Variants in CNTN6 observed in about 807,000 individuals in gnomAD.
The protein encoded by CNTN6 is contactin-6.
A neutral mutation model predicts 122.8 loss-of-function variants in CNTN6; 137 were observed. The observed-to-expected ratio is 1.12, with a 90% CI of 0.97 to 1.29. CNTN6 has a LOEUF of 1.29. Ranked by LOEUF, CNTN6 falls within the 50% of genes most tolerant of loss-of-function variation. CNTN6 has a pLI of 0.00. For synonymous variants in CNTN6, 570 were observed against 426.0 expected (o/e 1.34, Z -4.16); for missense variants, 1,634 against 1,223.4 (o/e 1.34, Z -5.01).
chr3:1,305,740 C>T (rs1559771072), intron 7 of CNTN6, among the ~76,000 whole-genome samples: 1 of 152,092 alleles, frequency 6.6e-6, no homozygotes, highest in East Asian at 1.9e-4. Flanking sequence ...AGTAGCAGCA[C>T]TGAACGTTCC....
At position 1,216,486 on chromosome 3, in the gene CNTN6, T is replaced by G. The variant is rs535004519; in HGVS notation, c.56-4201T>G. Among the ~76,000 whole-genome samples, 131 of 152,350 alleles carry G rather than the reference T, an allele frequency of 8.6e-4. 2 individuals carry two copies. Among genetic ancestry groups the G allele is most frequent in the African/African-American group, 3.1e-3 (127 of 41,584 alleles). ...TTTCTGTTTGTCTGTTATTTGTACT[T>G]ACAACGTCTCACACATTTCATTAGG... On this transcript the variant is annotated intron_variant, in intron 2 of 22. Transcript: ENST00000446702.
At chr3:1,160,643 A>G (rs1408775663) in intron 2 of CNTN6, among the ~76,000 whole-genome samples, 1 of 149,168 alleles carries the variant, frequency 6.7e-6, no homozygotes, top group Admixed American at 6.7e-5. Context: ...AGTATCACCA[A>G]TGTAGTCATA....
chr3:1,250,209 T>A (rs1456147553), intron 4 of CNTN6, among the ~76,000 whole-genome samples: 1 of 152,192 alleles, frequency 6.6e-6, no homozygotes, highest in African/African-American at 2.4e-5. Flanking sequence ...AGCAAGTGAA[T>A]GGCAGAGCCA....
chr3:1,198,486 G>A (rs760406988), intron 2 of CNTN6, among the ~76,000 whole-genome samples: 30 of 152,246 alleles, frequency 2.0e-4, no homozygotes, highest in South Asian at 8.3e-4. Flanking sequence ...GCTTTGGGTG[G>A]CCAAGGCAGG....
chr3:1,334,587 G>C (rs1179247781), intron 11 of CNTN6, among the ~76,000 whole-genome samples: 1 of 152,022 alleles, frequency 6.6e-6, no homozygotes, highest in Non-Finnish European at 1.5e-5. Context: ...TTAATGATTT[G>C]CTTGGGTGAC....
At chr3:1,186,396 G>T (rs765686853) in intron 2 of CNTN6, among the ~76,000 whole-genome samples, 1 of 151,792 alleles carries the variant, frequency 6.6e-6, no homozygotes, top group Non-Finnish European at 1.5e-5. Flanking sequence ...ACTTATGAGA[G>T]AAAATGACCT....
intron 5 of CNTN6, among the ~76,000 whole-genome samples, chr3:1,287,374 CT>C (rs1694528948): frequency 6.6e-6 from 1 of 152,170 alleles, no homozygotes; most frequent in South Asian, 2.1e-4. Flanking sequence ...CAGATAACTT[CT>C]AGAGGGCAAA....
chr3:1,395,323 TAGAC>T (rs777683163), intron 20 of CNTN6, among the ~76,000 whole-genome samples: 7 of 152,212 alleles, frequency 4.6e-5, no homozygotes, highest in African/African-American at 1.4e-4. Flanking sequence ...GGTCAGGAGT[TAGAC>T]AGGGGTTTCA....
intron 12 of CNTN6, among the ~76,000 whole-genome samples, chr3:1,360,585 CATGT>C (rs1217773050): frequency 6.6e-6 from 1 of 151,738 alleles, no homozygotes; most frequent in Non-Finnish European, 1.5e-5. Context: ...ATTCTATATA[CATGT>C]ATGTATACAC....
At chr3:1,232,151 C>T (rs756808062) in intron 4 of CNTN6, among the ~76,000 whole-genome samples, 1 of 152,156 alleles carries the variant, frequency 6.6e-6, no homozygotes, top group African/African-American at 2.4e-5. Context: ...ATATATAACT[C>T]TACCAATGAA....
intron 1 of CNTN6, among the ~76,000 whole-genome samples, chr3:1,122,472 G>A (rs533190546): frequency 1.5e-4 from 23 of 149,966 alleles, no homozygotes; most frequent in South Asian, 2.1e-4. Context: ...AAAAGTAACC[G>A]TTGTAAAGTG....
intron 2 of CNTN6, among the ~76,000 whole-genome samples, chr3:1,154,875 A>G (rs924792080): frequency 3.9e-5 from 6 of 152,166 alleles, no homozygotes; most frequent in Non-Finnish European, 2.9e-5. Context: ...ACTTTTACTT[A>G]ACTTCCCTTT....
chr3:1,095,793 C>T (rs575332266), intron 1 of CNTN6, among the ~76,000 whole-genome samples: 1 of 152,324 alleles, frequency 6.6e-6, no homozygotes, highest in South Asian at 2.1e-4. Flanking sequence ...CATACCACCT[C>T]AATTTAAACT....
chr3:1,277,039 C>T (rs1692499230), intron 4 of CNTN6, among the ~76,000 whole-genome samples: 3 of 152,124 alleles, frequency 2.0e-5, no homozygotes, highest in African/African-American at 7.2e-5. Flanking sequence ...AAGTTTCATT[C>T]ATCATTTTTG....
At chr3:1,122,400 A>AG (rs2091990635) in intron 1 of CNTN6, among the ~76,000 whole-genome samples, 1 of 151,714 alleles carries the variant, frequency 6.6e-6, no homozygotes, top group South Asian at 2.1e-4. Context: ...GGAGGAAAGA[A>AG]GGGGTTCTCA....
chr3:1,312,926 GC>G (rs776934575), intron 7 of CNTN6, among the ~76,000 whole-genome samples: 1 of 151,472 alleles, frequency 6.6e-6, no homozygotes, highest in Admixed American at 6.6e-5. Context: ...GTTTGATAGT[GC>G]TATAGCATGA....
intron 19 of CNTN6, among the ~76,000 whole-genome samples, chr3:1,383,851 A>G (rs1692326170): frequency 7.1e-6 from 1 of 140,330 alleles, no homozygotes; most frequent in Non-Finnish European, 1.6e-5. Flanking sequence ...TTCTAGAAAA[A>G]GGGTGGTAAC....
intron 2 of CNTN6, among the ~76,000 whole-genome samples, chr3:1,167,761 C>CTTCTTA: frequency 6.6e-6 from 1 of 152,270 alleles, no homozygotes; most frequent in East Asian, 1.9e-4. Flanking sequence ...CTGAATCTAA[C>CTTCTTA]TTCTTAGCTG....
intron 1 of CNTN6, among the ~76,000 whole-genome samples, chr3:1,112,039 T>C (rs552173666): frequency 2.0e-5 from 3 of 152,328 alleles, no homozygotes; most frequent in South Asian, 4.1e-4. Flanking sequence ...ATAAAAATGA[T>C]TGATCCACTA....
Sources: gnomAD v4.1 joint callset for allele counts (sites outside exome capture counted in the v4.1 genomes callset) on GRCh38, gnomAD v4.1.1 for gene constraint, MANE v1.5 for transcripts, NCBI Gene and HGNC (gene_info 2026-07-23, HGNC 2026-07-21) for gene names.